Variants in SHANK2 observed in about 807,000 individuals in gnomAD.
SHANK2 encodes SH3 and multiple ankyrin repeat domains 2, also known as SH3 and multiple ankyrin repeat domains protein 2.
A neutral mutation model predicts 133.7 loss-of-function variants in SHANK2; 43 were observed. The observed-to-expected ratio is 0.32, with a 90% confidence interval of 0.25 to 0.41. The LOEUF (loss-of-function observed/expected upper bound fraction) is 0.41. Among genes scored for constraint, SHANK2 ranks in the 10% least tolerant of loss-of-function variants. The pLI, the probability that SHANK2 is intolerant of heterozygous loss-of-function variation, is 1.00. For synonymous variants in SHANK2, 1,017 were observed against 952.8 expected (o/e 1.07, Z -1.24); for missense variants, 1,994 against 2,235.8 (o/e 0.89, Z 2.18).
At chr11:71,141,967 T>C (rs1342093971) in intron 3 of SHANK2, among the ~76,000 whole-genome samples, 2 of 150,880 alleles carry the variant, frequency 1.3e-5, no homozygotes, top group South Asian at 2.1e-4. Flanking sequence ...CAACGGTCTC[T>C]GAGCTGCATG....
At chr11:70,521,239 T>C (rs2059326495) in intron 17 of SHANK2, among the ~76,000 whole-genome samples, 1 of 152,222 alleles carries the variant, frequency 6.6e-6, no homozygotes. Flanking sequence ...ATTTGCTCTA[T>C]CATTTATTAA....
At chr11:70,853,378 A>G (rs1006238927) in intron 11 of SHANK2, among the ~76,000 whole-genome samples, 3 of 152,222 alleles carry the variant, frequency 2.0e-5, no homozygotes, top group African/African-American at 7.2e-5. Flanking sequence ...GTGGGGACAG[A>G]CAAGACCCTG....
At chr11:70,559,820 C>A (rs1554980442) in intron 17 of SHANK2, among the ~76,000 whole-genome samples, 2 of 152,208 alleles carry the variant, frequency 1.3e-5, no homozygotes, top group Admixed American at 6.5e-5. Flanking sequence ...CACAAAACAG[C>A]CCTTTCCTCT....
intron 17 of SHANK2, among the ~76,000 whole-genome samples, chr11:70,611,762 A>C (rs2136389126): frequency 6.6e-6 from 1 of 152,240 alleles, no homozygotes; most frequent in Non-Finnish European, 1.5e-5. Context: ...GCCATTTAGG[A>C]AGAATTTCTA....
At position 71,107,351 on chromosome 11, in the gene SHANK2, G is replaced by C. The variant is rs532656849; in HGVS notation, c.592+2590C>G. Among the ~76,000 whole-genome samples, 69 of 152,222 alleles carry C rather than the reference G, an allele frequency of 4.5e-4. 2 individuals carry two copies. In the South Asian group the frequency reaches 0.011, roughly 24 times the overall value. ...GTCTCTGCCTTTGCTGGAGACCCTA[G>C]AATGCCTGTCCTTAACTATGTGCTC... On this transcript the variant is annotated intron_variant, in intron 6 of 25. Transcript: ENST00000601538.
chr11:70,840,433 A>G (rs879988968), intron 11 of SHANK2, among the ~76,000 whole-genome samples: 3 of 152,180 alleles, frequency 2.0e-5, no homozygotes, highest in Admixed American at 2.0e-4. Flanking sequence ...AATGCACCCC[A>G]AAAGTCCTTC....
chr11:70,515,478 T>C (rs1421191866), intron 17 of SHANK2, among the ~76,000 whole-genome samples: 1 of 152,086 alleles, frequency 6.6e-6, no homozygotes, highest in Non-Finnish European at 1.5e-5. Context: ...AGAAATTCTT[T>C]TCAAGTTTAT....
At chr11:71,246,536 C>G (rs1430587066) in intron 1 of SHANK2, among the ~76,000 whole-genome samples, 4 of 152,176 alleles carry the variant, frequency 2.6e-5, no homozygotes, top group African/African-American at 9.7e-5. Context: ...CAGGTGTAAT[C>G]TTGTGAACTA....
chr11:70,706,261 C>T (rs1945660234), intron 14 of SHANK2, among the ~76,000 whole-genome samples: 1 of 152,222 alleles, frequency 6.6e-6, no homozygotes, highest in African/African-American at 2.4e-5. Flanking sequence ...CACTGCAATG[C>T]TAGCTCTCCA....
chr11:70,775,591 G>A (rs933126093), intron 14 of SHANK2, among the ~76,000 whole-genome samples: 3 of 152,102 alleles, frequency 2.0e-5, no homozygotes, highest in East Asian at 1.9e-4. Context: ...TCCACCACTC[G>A]CGGCCATGTC....
chr11:70,759,557 G>A (rs1229862202), intron 14 of SHANK2, among the ~76,000 whole-genome samples: 1 of 152,148 alleles, frequency 6.6e-6, no homozygotes, highest in Admixed American at 6.5e-5. Flanking sequence ...TTGTTATGCT[G>A]CTCCCTGTTG....
chr11:70,704,122 G>T (rs992432222), intron 14 of SHANK2, among the ~76,000 whole-genome samples: 1 of 152,248 alleles, frequency 6.6e-6, no homozygotes, highest in African/African-American at 2.4e-5. Flanking sequence ...CACAGGGCTC[G>T]GGAGGAAGAA....
chr11:70,843,992 GC>G lies in SHANK2; in HGVS notation c.1175-23311del, dbSNP rs368675400. ...GCCTTCGTGGACGATTCTCCAGTGA[GC>G]CCTCAGTTTTCCTAGGGTAGGACCA... On this transcript the variant is annotated intron_variant, in intron 11 of 25. Transcript: ENST00000601538. 5.7e-3 allele frequency among the ~76,000 whole-genome samples: 863 copies of G among 152,250 alleles called. 11 individuals are homozygous for G. Among genetic ancestry groups the G allele is most frequent in the African/African-American group, 0.019 (810 of 41,550 alleles).
intron 10 of SHANK2, among the ~76,000 whole-genome samples, chr11:70,927,232 T>C (rs1234840621): frequency 6.6e-6 from 1 of 152,184 alleles, no homozygotes; most frequent in Non-Finnish European, 1.5e-5. Flanking sequence ...TCCCATAGTG[T>C]TAAAATAAAT....
At chr11:70,765,048 G>A (rs1437767061) in intron 14 of SHANK2, among the ~76,000 whole-genome samples, 1 of 152,220 alleles carries the variant, frequency 6.6e-6, no homozygotes, top group Non-Finnish European at 1.5e-5. Context: ...CACCAGTTCT[G>A]TTTTGATCGG....
At chr11:70,750,236 A>G (rs1946725486) in intron 14 of SHANK2, among the ~76,000 whole-genome samples, 1 of 152,254 alleles carries the variant, frequency 6.6e-6, no homozygotes, top group Admixed American at 6.5e-5. Flanking sequence ...CCACATGTGT[A>G]TAACAAGTGT....
intron 22 of SHANK2, among the ~76,000 whole-genome samples, chr11:70,491,054 C>T (rs2058880385): frequency 6.6e-6 from 1 of 152,240 alleles, no homozygotes; most frequent in South Asian, 2.1e-4. Flanking sequence ...CTCCTCCCCT[C>T]CACCTTGGAA....
In SHANK2 at chr11:70,487,621, G is replaced by T. The variant is rs1017806518; in HGVS notation, c.2672C>A (p.Pro891Gln). The change falls in exon 25 of 26, where the codon CCG becomes CAG. Residue 891 changes from proline (P) to glutamine (Q), a missense_variant. By Grantham distance (76) the Pro-to-Gln change is moderately conservative. This residue lies in a region of SHANK2 where 488 missense variants were observed against 642.6 expected (regional missense o/e 0.76). Coordinates refer to ENST00000601538, the MANE Select transcript of SHANK2 (RefSeq NM_012309.5). This position sits in a 1 kb window ranked among gnomAD's most constrained non-coding sequence, Gnocchi z 5.8. ...PDTSEDIPPP[P>Q]QSVPPSPPPP... ...TGGTGGGGACGGGGGCACAGACTGC[G>T]GTGGAGGGGGGATGTCCTCAGAGGT... is the stretch of plus-strand genomic sequence containing the variant. 6.2e-7 allele frequency: 1 copy of T among 1,606,476 alleles called. No homozygotes were observed. Among genetic ancestry groups the T allele is most frequent in the Non-Finnish European group, 8.5e-7 (1 of 1,176,344 alleles).
At position 70,616,612 on chromosome 11, in the gene SHANK2, G is replaced by T. The variant is rs561568915; in HGVS notation, c.2061+43216C>A. On this transcript the variant is annotated intron_variant, in intron 17 of 25. Coordinates refer to ENST00000601538, the MANE Select transcript of SHANK2 (RefSeq NM_012309.5). ...AACCAGGTCCCTGGTGCCCAGTGCT[G>T]GGTCCTGAGCAAGTTCTCCTGAGGG... is the stretch of plus-strand genomic sequence containing the variant. 4.6e-5 allele frequency among the ~76,000 whole-genome samples: 7 copies of T among 152,304 alleles called. No individual in the cohort carries two copies. In the South Asian group the frequency reaches 1.2e-3, roughly 27 times the overall value.
Sources: allele counts gnomAD v4.1 joint callset (sites outside exome capture counted in the v4.1 genomes callset), GRCh38; gene constraint gnomAD v4.1.1; regional missense constraint gnomAD v4.1.1; non-coding constraint Gnocchi (gnomAD v3.1); transcripts MANE v1.5; gene names NCBI Gene and HGNC (gene_info 2026-07-23, HGNC 2026-07-21).